The following CNOT4 variants were observed in gnomAD, a reference collection of about 807,000 sequenced individuals.
CNOT4 encodes CCR4-associated factor 4.
In CNOT4, 8 loss-of-function variants were observed where a neutral mutation model predicts 73.8. The observed-to-expected ratio is 0.11, with a 90% CI of 0.06 to 0.20. The LOEUF (loss-of-function observed/expected upper bound fraction) is 0.20, where lower values mean the gene tolerates loss of function less well. Ranked by LOEUF, CNOT4 falls within the 10% of genes least tolerant of loss-of-function variation. The probability of loss-of-function intolerance (pLI) is 1.00; values close to 1 mark genes in which losing one functional copy is unlikely to be tolerated. For synonymous variants in CNOT4, 293 were observed against 321.1 expected (o/e 0.91, Z 0.94); for missense variants, 564 against 883.4 (o/e 0.64, Z 4.58).
At chr7:135,461,573 T>C (rs921339498) in intron 1 of CNOT4, among the ~76,000 whole-genome samples, 3 of 152,138 alleles carry the variant, frequency 2.0e-5, no homozygotes, top group Non-Finnish European at 4.4e-5. Context: ...GGCTCACGCC[T>C]GTAATCCAAA....
chr7:135,464,045 T>C (rs1207131818), intron 1 of CNOT4, among the ~76,000 whole-genome samples: 1 of 79,588 alleles, frequency 1.3e-5, no homozygotes, highest in East Asian at 5.1e-4. Context: ...AAAAAACAGA[T>C]GGTGGCAAGG....
chr7:135,377,631 G>C (rs771688724), intron 10 of CNOT4, among the ~76,000 whole-genome samples: 1 of 152,046 alleles, frequency 6.6e-6, no homozygotes, highest in Non-Finnish European at 1.5e-5. Context: ...ATCTTTTCCA[G>C]ACCTATACAT....
In CNOT4 at chr7:135,482,643, GAAGA is replaced by G. The variant is rs540454737; in HGVS notation, c.-93+27242_-93+27245del. Reference sequence around the variant, plus strand: ...AAAAAAAGGAAAAAAAAGAGAGAGAGAAGAAAGAAAGAAAGAAAAACTTCAGACC... The same window carrying G: ...AAAAAAAGGAAAAAAAAGAGAGAGAGAAGAAAGAAAGAAAAACTTCAGACC... On this transcript the variant is annotated intron_variant, in intron 1 of 11. Coordinates refer to ENST00000541284, the MANE Select transcript of CNOT4 (RefSeq NM_001190850.2). Among the ~76,000 whole-genome samples, 16 of 151,522 alleles carry G rather than the reference GAAGA, an allele frequency of 1.1e-4. No individual in the cohort carries two copies. The East Asian group carries it at 1.8e-3, about 17-fold the overall frequency.
At chr7:135,371,782 A>C (rs1795216025) in intron 10 of CNOT4, among the ~76,000 whole-genome samples, 1 of 152,234 alleles carries the variant, frequency 6.6e-6, no homozygotes, top group Non-Finnish European at 1.5e-5. Context: ...AACAAATTTG[A>C]ATATAAAAGA....
In CNOT4 at chr7:135,432,748, T is replaced by C. The variant is rs925791213; in HGVS notation, c.174+5410A>G. Among the ~76,000 whole-genome samples the C allele has an allele frequency of 3.9e-5, 6 of 152,198 alleles. No homozygotes were observed. The South Asian group carries it at 6.2e-4, about 16-fold the overall frequency. ...AGAATGCATGGAAGGTAAAAAAATT[T>C]TGAGGCCTCTCAGGTCTGAAAATGT... On this transcript the variant is annotated intron_variant, in intron 2 of 11. Transcript: ENST00000541284.
chr7:135,495,037 G>C (rs899900532), intron 1 of CNOT4, among the ~76,000 whole-genome samples: 1 of 152,158 alleles, frequency 6.6e-6, no homozygotes. Flanking sequence ...CTATGAAATA[G>C]GTGTTCCTTT....
At chr7:135,408,732 C>A (rs759864968) in intron 7 of CNOT4, among the ~76,000 whole-genome samples, 1 of 152,102 alleles carries the variant, frequency 6.6e-6, no homozygotes. Flanking sequence ...AACCAGAGTG[C>A]CCAGAGGAAA....
intron 1 of CNOT4, among the ~76,000 whole-genome samples, chr7:135,457,032 T>C (rs1374960055): frequency 6.6e-6 from 1 of 152,000 alleles, no homozygotes; most frequent in Non-Finnish European, 1.5e-5. Flanking sequence ...AAAACCAATA[T>C]ATAAAAATCC....
chr7:135,402,856 TC>T (rs1797073821), intron 7 of CNOT4, among the ~76,000 whole-genome samples: 1 of 152,234 alleles, frequency 6.6e-6, no homozygotes, highest in African/African-American at 2.4e-5. Context: ...AATTTTACTT[TC>T]TTTTACTACT....
chr7:135,435,950 T>C (rs141606666), intron 2 of CNOT4, among the ~76,000 whole-genome samples: 24 of 95,662 alleles, frequency 2.5e-4, no homozygotes, highest in African/African-American at 1.0e-3. Flanking sequence ...CCTATAAGGC[T>C]GCTCTGACAC....
chr7:135,380,129 A>AC (rs1563014588), intron 10 of CNOT4, among the ~76,000 whole-genome samples: 1 of 152,128 alleles, frequency 6.6e-6, no homozygotes, highest in East Asian at 1.9e-4. Context: ...TTGGGGAAAA[A>AC]AAAAAAAACA....
chr7:135,442,321 C>T lies in CNOT4; in HGVS notation c.-92-3898G>A, dbSNP rs961106750. 3.9e-5 allele frequency among the ~76,000 whole-genome samples: 6 copies of T among 152,286 alleles called. No individual in the cohort carries two copies. In the East Asian group the frequency reaches 9.6e-4, roughly 24 times the overall value. On this transcript the variant is annotated intron_variant, in intron 1 of 11. Coordinates refer to ENST00000541284, the MANE Select transcript of CNOT4 (RefSeq NM_001190850.2). The stretch of plus-strand genomic sequence containing the variant: ...TTAAAATTAAAACTAAACAGGGCGG[C>T]GCGGTGGCTCATGCCTGTAAATCCC...
rs746494209 is a variant in CNOT4 at position 135,363,531 on chromosome 7, C to T, written c.1840+323G>A. On this transcript the variant is annotated intron_variant, in intron 11 of 11. Transcript: ENST00000541284. The surrounding 1 kb of genome is among the most constrained non-coding windows in gnomAD (Gnocchi z 4.3). The stretch of plus-strand genomic sequence containing the variant: ...AGCCTTATAATAGAGAGCTTTATAA[C>T]AAAAAGTGGAGTATGTTCCTTATAA... 1.3e-5 allele frequency among the ~76,000 whole-genome samples: 2 copies of T among 152,168 alleles called. No homozygotes were observed. The highest frequency in any genetic ancestry group is 2.4e-5 in the African/African-American group (1 of 41,448).
chr7:135,441,656 T>C (rs906423560), intron 1 of CNOT4, among the ~76,000 whole-genome samples: 3 of 152,132 alleles, frequency 2.0e-5, no homozygotes, highest in Non-Finnish European at 4.4e-5. Context: ...GTTATTAGAG[T>C]TTTAGTGAAA....
chr7:135,368,059 G>A (rs1795007300), intron 10 of CNOT4, among the ~76,000 whole-genome samples: 1 of 152,150 alleles, frequency 6.6e-6, no homozygotes, highest in Non-Finnish European at 1.5e-5. Flanking sequence ...GGGTCAAGTT[G>A]TTGGTAGTAG....
chr7:135,422,048 TATA>T lies in CNOT4; in HGVS notation c.372+105_372+107del. 3 of 674,364 alleles carry T rather than the reference TATA, an allele frequency of 4.4e-6. No homozygotes were observed. The East Asian group carries it at 7.7e-5, about 17-fold the overall frequency. The allele number at this position is 674,364 out of a possible 1,614,324, so 41.8% of individuals were successfully genotyped here. On this transcript the variant is annotated intron_variant, in intron 3 of 11. Transcript: ENST00000541284. ...TAATTTCTTATTTTCTCCTTCAAGA[TATA>T]ATGTGTTCAGAGGAATCACACAATT...
intron 2 of CNOT4, among the ~76,000 whole-genome samples, chr7:135,426,736 A>G (rs997008404): frequency 6.6e-6 from 1 of 152,062 alleles, no homozygotes; most frequent in Non-Finnish European, 1.5e-5. Flanking sequence ...CAGCCTGGCC[A>G]ACATGGTGAA....
intron 1 of CNOT4, among the ~76,000 whole-genome samples, chr7:135,439,251 T>C (rs1208388608): frequency 6.6e-6 from 1 of 152,184 alleles, no homozygotes; most frequent in Non-Finnish European, 1.5e-5. Context: ...TATAATTCTA[T>C]AGTAATCCCC....
At chr7:135,390,235 G>A (rs1337817845) in intron 10 of CNOT4, among the ~76,000 whole-genome samples, 1 of 152,086 alleles carries the variant, frequency 6.6e-6, no homozygotes, top group Non-Finnish European at 1.5e-5. Flanking sequence ...GGGCATCGTT[G>A]TAGTGCAAAA....
Sources: allele counts gnomAD v4.1 joint callset (sites outside exome capture counted in the v4.1 genomes callset), GRCh38; gene constraint gnomAD v4.1.1; non-coding constraint Gnocchi (gnomAD v3.1); transcripts MANE v1.5; gene names NCBI Gene and HGNC (gene_info 2026-07-23, HGNC 2026-07-21).